Variants in APC observed in about 807,000 individuals in gnomAD.
APC encodes the protein adenomatous polyposis coli protein.
APC carries 72 observed loss-of-function variants against 247.0 expected under a neutral mutation model. That is an observed-to-expected ratio of 0.29 (90% CI 0.24 to 0.35). The LOEUF (loss-of-function observed/expected upper bound fraction) is 0.35. Ranked by LOEUF, APC falls within the 10% of genes least tolerant of loss-of-function variation. The probability of loss-of-function intolerance (pLI) is 1.00; values close to 1 mark genes in which losing one functional copy is unlikely to be tolerated. For synonymous variants in APC, 1,254 were observed against 1,162.5 expected (o/e 1.08, Z -1.60); for missense variants, 3,400 against 3,360.7 (o/e 1.01, Z -0.29).
intron 1 of APC, among the ~76,000 whole-genome samples, chr5:112,730,382 C>T (rs1281209162): frequency 6.6e-6 from 1 of 152,194 alleles, no homozygotes; most frequent in East Asian, 1.9e-4. Flanking sequence ...GCTGCTGAGA[C>T]ATGGAGGATG....
rs761563448 is a variant in APC at position 112,788,239 on chromosome 5, T to G, written c.646-4207T>G. On this transcript the variant is annotated intron_variant, in intron 6 of 15. Coordinates refer to ENST00000257430, the MANE Select transcript of APC (RefSeq NM_000038.6). ...CAGTTGGGTGAATCGTTCTTTGTTTTTAAAAATGTAGTATTCTGCCTTATT... is the reference window on the plus strand; with the variant it reads ...CAGTTGGGTGAATCGTTCTTTGTTTGTAAAAATGTAGTATTCTGCCTTATT... 7.5e-4 allele frequency among the ~76,000 whole-genome samples: 115 copies of G among 152,334 alleles called. 1 individual carries two copies. Among genetic ancestry groups the G allele is most frequent in the Non-Finnish European group, 1.2e-3 (85 of 68,008 alleles).
chr5:112,844,210 G>C lies in APC; in HGVS notation c.*84G>C. On this transcript the variant is annotated 3_prime_UTR_variant, in exon 16 of 16. Coordinates refer to ENST00000257430, the MANE Select transcript of APC (RefSeq NM_000038.6). ...TTTTGTTTCAAATGAAACTTTAAAAGACTGAAAAATTTTGTAAATAGGTTT... is the reference window on the plus strand; with the variant it reads ...TTTTGTTTCAAATGAAACTTTAAAACACTGAAAAATTTTGTAAATAGGTTT... The C allele has an allele frequency of 7.5e-7, 1 of 1,337,160 alleles. No individual in the cohort carries two copies. The highest frequency in any genetic ancestry group is 1.0e-6 in the Non-Finnish European group (1 of 968,568). 82.8% of individuals were successfully genotyped at this position (1,337,160 alleles called of 1,614,324 possible).
chr5:112,796,999 A>G (rs937363461), intron 7 of APC, among the ~76,000 whole-genome samples: 3 of 152,122 alleles, frequency 2.0e-5, no homozygotes, highest in Non-Finnish European at 4.4e-5. Context: ...ATTTCATTGT[A>G]GTACCATTTA....
chr5:112,827,170 G>A lies in APC; in HGVS notation c.1471G>A (p.Asp491Asn), dbSNP rs1554081685. 6.2e-7 allele frequency: 1 copy of A among 1,613,724 alleles called. No homozygotes were observed. ...VDCEMYGLTNDHYSITLRRYA... is the reference protein window; with the variant it reads ...VDCEMYGLTNNHYSITLRRYA... ...CTGTGAAATGTATGGGCTTACTAAT[G>A]ACCACTACAGTATTACACTAAGACG... is the stretch of plus-strand genomic sequence containing the variant. The change falls in exon 12 of 16, where the codon GAC (aspartate) becomes AAC (asparagine). Residue 491 changes from aspartate (D) to asparagine (N), a missense_variant. Asp to Asn is a conservative substitution (Grantham distance 23). Transcript: ENST00000257430.
chr5:112,752,845 A>T (rs1228600762), intron 1 of APC, among the ~76,000 whole-genome samples: 1 of 152,102 alleles, frequency 6.6e-6, no homozygotes, highest in Non-Finnish European at 1.5e-5. Flanking sequence ...AACTTTAATG[A>T]TTGGGAATCT....
chr5:112,770,573 T>G (rs115857970), intron 4 of APC, among the ~76,000 whole-genome samples: 21 of 152,256 alleles, frequency 1.4e-4, no homozygotes, highest in Non-Finnish European at 2.9e-4. Flanking sequence ...CAACATGGTG[T>G]TGTTAGAAGG....
chr5:112,727,727 A>G (rs1751870796), intron 1 of APC, among the ~76,000 whole-genome samples: 1 of 152,142 alleles, frequency 6.6e-6, no homozygotes, highest in Non-Finnish European at 1.5e-5. Context: ...TTGAATCCAC[A>G]TGCATAAGCA....
chr5:112,818,858 G>GTTTTT, intron 9 of APC, 108 bp from the exon 10 acceptor site: 1 of 995,212 alleles, frequency 1.0e-6, no homozygotes, highest in Non-Finnish European at 1.5e-6. Context: ...GGGGGGGGTT[G>GTTTTT]TTTTGTTTTT....
At chr5:112,757,947 T>C (rs1165767478) in intron 2 of APC, among the ~76,000 whole-genome samples, 4 of 152,216 alleles carry the variant, frequency 2.6e-5, no homozygotes, top group Non-Finnish European at 5.9e-5. Flanking sequence ...AGAATCCTTG[T>C]TTAAATATAC....
At position 112,780,801 on chromosome 5, in the gene APC, A is replaced by G. The variant is rs1758237858; in HGVS notation, c.543A>G (p.Gln181=). 1 of 1,611,016 alleles carries G rather than the reference A, an allele frequency of 6.2e-7. No homozygotes were observed. The stretch of plus-strand genomic sequence containing the variant: ...ATTTGTGGTTTTAGTTTTCCTTACA[A>G]ACAGATATGACCAGAAGGCAATTGG... The part of the protein sequence containing the change: ...SLPLTENFSL[Q]TDMTRRQLEY... The change falls in exon 6 of 16, where the codon CAA becomes CAG. Residue 181 remains glutamine (Q), a synonymous_variant. Transcript: ENST00000257430.
rs587782846 is a variant in APC at position 112,838,520 on chromosome 5, A to G, written c.2926A>G (p.Arg976Gly). 1.9e-6 allele frequency: 3 copies of G among 1,614,242 alleles called. No individual in the cohort carries two copies. Among genetic ancestry groups the G allele is most frequent in the Non-Finnish European group, 2.5e-6 (3 of 1,180,042 alleles). ...CAGTAGTAGTGATGGTTATGGTAAAAGAGGTCAAATGAAACCCTCGATTGA... is the reference window on the plus strand; with the variant it reads ...CAGTAGTAGTGATGGTTATGGTAAAGGAGGTCAAATGAAACCCTCGATTGA... ...SVSSSDGYGK[R>G]GQMKPSIESY... Residue 976 changes from arginine (R) to glycine (G), a missense_variant, in exon 16 of 16, where the codon AGA (arginine) becomes GGA (glycine). Transcript: ENST00000257430.
intron 4 of APC, among the ~76,000 whole-genome samples, chr5:112,772,831 A>G (rs544822418): frequency 1.3e-5 from 2 of 152,306 alleles, no homozygotes; most frequent in South Asian, 2.1e-4. Flanking sequence ...CTCTTATTTC[A>G]TAAGTTCATT....
intron 8 of APC, among the ~76,000 whole-genome samples, chr5:112,806,590 T>TGA (rs1393444021): frequency 1.3e-3 from 202 of 150,652 alleles, no homozygotes; most frequent in African/African-American, 4.7e-3. Context: ...ATTTATTTAT[T>TGA]TATTGAGATA....
Position 112,837,698 on chromosome 5 carries a change from G to A in APC, c.2104G>A (p.Gly702Arg), listed in dbSNP as rs1765106978. 1 of 1,614,016 alleles carries A rather than the reference G, an allele frequency of 6.2e-7. No homozygotes were observed. The highest frequency in any genetic ancestry group is 2.2e-5 in the East Asian group (1 of 44,894). The change falls in exon 16 of 16, where the codon GGG (glycine) becomes AGG (arginine). Residue 702 changes from glycine to arginine, a missense_variant. By Grantham distance (125) the Gly-to-Arg change is moderately radical. Transcript: ENST00000257430. ...PKDQEALWDMGAVSMLKNLIH... is the reference protein window; with the variant it reads ...PKDQEALWDMRAVSMLKNLIH... The stretch of plus-strand genomic sequence containing the variant: ...AGACCAGGAAGCATTATGGGACATG[G>A]GGGCAGTTAGCATGCTCAAGAACCT...
intron 1 of APC, among the ~76,000 whole-genome samples, chr5:112,714,460 C>T (rs1027780843): frequency 6.6e-6 from 1 of 152,182 alleles, no homozygotes; most frequent in Non-Finnish European, 1.5e-5. Flanking sequence ...GGACTGAGTA[C>T]ATCTTCTAGT....
rs192669959 is a variant in APC at position 112,797,338 on chromosome 5, G to A, written c.730-3941G>A. On this transcript the variant is annotated intron_variant, in intron 7 of 15. Coordinates refer to ENST00000257430, the MANE Select transcript of APC (RefSeq NM_000038.6). ...TGTAAGTTAGAGGGAGAAGCTAGAAGATGGAGAAAATTGGGGATTGGACAC... is the reference window on the plus strand; with the variant it reads ...TGTAAGTTAGAGGGAGAAGCTAGAAAATGGAGAAAATTGGGGATTGGACAC... 5.9e-5 allele frequency among the ~76,000 whole-genome samples: 9 copies of A among 152,280 alleles called. No individual in the cohort carries two copies. The East Asian group carries it at 1.2e-3, about 20-fold the overall frequency.
chr5:112,719,722 A>T (rs370002647), intron 1 of APC, among the ~76,000 whole-genome samples: 1 of 151,190 alleles, frequency 6.6e-6, no homozygotes, highest in African/African-American at 2.4e-5. Context: ...TTTAGTAGAG[A>T]TGGAGTTTCA....
chr5:112,774,557 C>G (rs987883058), intron 4 of APC, among the ~76,000 whole-genome samples: 2 of 146,308 alleles, frequency 1.4e-5, no homozygotes, highest in African/African-American at 2.5e-5. Context: ...GCCTCCTGGG[C>G]TCAAGTGATT....
chr5:112,828,999 A>C, intron 14 of APC, 27 bp downstream of exon 14: 1 of 1,511,976 alleles, frequency 6.6e-7, no homozygotes, highest in Non-Finnish European at 9.2e-7. Context: ...TTAGTACTAT[A>C]ATATGAATTT....
Sources: allele counts gnomAD v4.1 joint callset (sites outside exome capture counted in the v4.1 genomes callset), GRCh38; gene constraint gnomAD v4.1.1; transcripts MANE v1.5; gene names NCBI Gene and HGNC (gene_info 2026-07-23, HGNC 2026-07-21).